The following ARVCF variants were observed in gnomAD, a reference collection of about 807,000 sequenced individuals.
The protein encoded by ARVCF is splicing regulator ARVCF.
Under a neutral mutation model 90.9 loss-of-function variants are expected in ARVCF, and 66 were observed. That is an observed-to-expected ratio of 0.73 (90% CI 0.60 to 0.89). The LOEUF is 0.89. Ranked by LOEUF, ARVCF falls within the 40% of genes least tolerant of loss-of-function variation. The pLI, the probability that ARVCF is intolerant of heterozygous loss-of-function variation, is 0.00. For synonymous variants in ARVCF, 653 were observed against 603.4 expected (o/e 1.08, Z -1.21); for missense variants, 1,469 against 1,382.3 (o/e 1.06, Z -1.00).
chr22:20,001,674 G>A (rs2146447903), intron 2 of ARVCF, among the ~76,000 whole-genome samples: 1 of 152,292 alleles, frequency 6.6e-6, no homozygotes, highest in Non-Finnish European at 1.5e-5. Flanking sequence ...GGGTGTGGTG[G>A]TGCATGCCTG....
intron 2 of ARVCF, among the ~76,000 whole-genome samples, chr22:20,009,915 A>ATGGCAGAGAACTGCAGCTG (rs1417019333): frequency 2.0e-5 from 3 of 152,224 alleles, no homozygotes; most frequent in Admixed American, 1.3e-4. Context: ...TCATCCTACA[A>ATGGCAGAGAACTGCAGCTG]TGGCAGAGAA....
At chr22:20,012,838 C>T (rs1323611642) in intron 1 of ARVCF, among the ~76,000 whole-genome samples, 1 of 152,278 alleles carries the variant, frequency 6.6e-6, no homozygotes, top group Non-Finnish European at 1.5e-5. Context: ...GCCACACAGC[C>T]AGATTGGCAA....
chr22:19,982,174 C>A, intron 3 of ARVCF, 83 bp from the exon 4 acceptor site: 1 of 1,541,390 alleles, frequency 6.5e-7, no homozygotes, highest in South Asian at 1.2e-5. Flanking sequence ...GCAGCTCTGC[C>A]TCAGCTCATG....
intron 13 of ARVCF, 81 bp from the exon 14 acceptor site, chr22:19,973,398 G>A: frequency 6.8e-7 from 1 of 1,472,428 alleles, no homozygotes; most frequent in Non-Finnish European, 9.0e-7. Flanking sequence ...AGGGCGAGGG[G>A]CACTGCCAGG....
At chr22:20,000,894 C>T (rs116846003) in intron 2 of ARVCF, among the ~76,000 whole-genome samples, 1 of 152,286 alleles carries the variant, frequency 6.6e-6, no homozygotes, top group East Asian at 1.9e-4. Context: ...GCACTGTGAA[C>T]AGTATGTTTC....
rs1219831161 is a variant in ARVCF at position 19,974,250 on chromosome 22, G to A, written c.1961-11C>T. 7 of 1,594,248 alleles carry A rather than the reference G, an allele frequency of 4.4e-6. No homozygotes were observed. In the Admixed American group the frequency reaches 5.1e-5, roughly 12 times the overall value. On this transcript the variant is annotated splice_polypyrimidine_tract_variant and intron_variant, in intron 11 of 19. Transcript: ENST00000263207. ...ACAGCAGCTCAAAGCCTAGGTGCAG[G>A]GCAACCGCCACCCACGGTCACCCAG...
chr22:19,965,433 T>G (rs1304474471), downstream of ARVCF: 2 of 152,184 alleles, frequency 1.3e-5, no homozygotes, highest in Non-Finnish European at 2.9e-5. Context: ...CCTCCACCTC[T>G]TGGGTTCAAG....
Position 19,980,167 on chromosome 22 carries a change from G to A in ARVCF, c.972C>T (p.Pro324=). Residue 324 remains proline (P), a synonymous_variant, in exon 6 of 20, where the codon CCC becomes CCT. Coordinates refer to ENST00000263207, the MANE Select transcript of ARVCF (RefSeq NM_001670.3). ...ERPAFPMVTA[P]LAQPERGSMG... is the part of the protein sequence containing the mutation. ...TGCTGCCCCGTTCAGGCTGGGCCAG[G>A]GGCGCCGTCACCATTGGGAACGCAG... 1 of 1,580,980 alleles carries A rather than the reference G, an allele frequency of 6.3e-7. No homozygotes were observed. The highest frequency in any genetic ancestry group is 8.6e-7 in the Non-Finnish European group (1 of 1,164,506).
At chr22:19,993,515 G>A (rs931252838) in intron 2 of ARVCF, among the ~76,000 whole-genome samples, 2 of 152,198 alleles carry the variant, frequency 1.3e-5, no homozygotes, top group Admixed American at 6.5e-5. Flanking sequence ...GCTAGGAAGG[G>A]GGACACTGCA....
intron 3 of ARVCF, 50 bp from the exon 4 acceptor site, chr22:19,982,141 T>C: frequency 6.3e-7 from 1 of 1,595,518 alleles, no homozygotes; most frequent in Non-Finnish European, 8.5e-7. Context: ...CAGTCACCCC[T>C]GGAGTGCAGG....
downstream of ARVCF, chr22:19,965,731 G>A (rs968851665): frequency 2.0e-5 from 3 of 152,088 alleles, no homozygotes; most frequent in South Asian, 2.1e-4. Flanking sequence ...GCTGTGGGGA[G>A]GGCATTTCAG....
chr22:19,973,455 G>A (rs1207957069), intron 13 of ARVCF, 138 bp from the exon 14 acceptor site: 3 of 1,329,602 alleles, frequency 2.3e-6, no homozygotes, highest in East Asian at 2.5e-5. Flanking sequence ...AGGAGCCCCT[G>A]TGAGCAGGGC....
chr22:19,991,677 GA>G (rs1305437978), intron 2 of ARVCF, among the ~76,000 whole-genome samples: 2 of 152,254 alleles, frequency 1.3e-5, no homozygotes, highest in Non-Finnish European at 2.9e-5. Context: ...CGGGGGCCAT[GA>G]GGGCTTGGCA....
At chr22:20,001,434 T>G (rs1944441485) in intron 2 of ARVCF, among the ~76,000 whole-genome samples, 1 of 152,292 alleles carries the variant, frequency 6.6e-6, no homozygotes, top group African/African-American at 2.4e-5. Flanking sequence ...TTTAGCGCAT[T>G]TCTTAGGAAA....
chr22:19,990,518 C>G (rs1308620177), intron 3 of ARVCF, 67 bp downstream of exon 3: 4 of 1,511,534 alleles, frequency 2.6e-6, no homozygotes, highest in Non-Finnish European at 3.6e-6. Context: ...GCTTGTGGTC[C>G]ACCAGGACCC....
intron 11 of ARVCF, 54 bp from the exon 12 acceptor site, chr22:19,974,293 C>G: frequency 1.3e-6 from 2 of 1,531,944 alleles, no homozygotes; most frequent in African/African-American, 2.7e-5. Context: ...TCTCATCCAT[C>G]ATACCCCTCC....
At chr22:19,967,141 T>C (rs775094798), downstream of ARVCF, 104 of 1,298,660 alleles carry the variant, frequency 8.0e-5, no homozygotes, top group South Asian at 1.1e-3. Flanking sequence ...CTTCCCTCCT[T>C]CTTTCCTGTT....
intron 3 of ARVCF, among the ~76,000 whole-genome samples, chr22:19,985,595 T>C (rs1943725499): frequency 6.6e-6 from 1 of 152,160 alleles, no homozygotes; most frequent in African/African-American, 2.4e-5. Context: ...TGTGGCAAAA[T>C]GCAAGGAACA....
chr22:20,001,934 G>A (rs777239401), intron 2 of ARVCF, among the ~76,000 whole-genome samples: 7 of 152,194 alleles, frequency 4.6e-5, no homozygotes, highest in Non-Finnish European at 4.4e-5. Context: ...ACACTAAGAC[G>A]GTCCTCCCAA....
Sources: gnomAD v4.1 joint callset for allele counts (sites outside exome capture counted in the v4.1 genomes callset) on GRCh38, gnomAD v4.1.1 for gene constraint, MANE v1.5 for transcripts, NCBI Gene and HGNC (gene_info 2026-07-23, HGNC 2026-07-21) for gene names.